CHD4: variants seen among roughly 807,000 people sequenced by gnomAD.
The protein encoded by CHD4 is ATP-dependent chromatin remodeler CHD4.
Under a neutral mutation model 235.5 loss-of-function variants are expected in CHD4, and 35 were observed. That is an observed-to-expected ratio of 0.15 (90% CI 0.11 to 0.20). The LOEUF (loss-of-function observed/expected upper bound fraction) is 0.20. CHD4 is among the 10% of genes least tolerant of loss of function. The pLI, the probability that CHD4 is intolerant of heterozygous loss-of-function variation, is 1.00. For synonymous variants in CHD4, 900 were observed against 850.2 expected (o/e 1.06, Z -1.02); for missense variants, 1,329 against 2,432.3 (o/e 0.55, Z 9.54).
chr12:6,583,427 C>G, intron 25 of CHD4, 49 bp from the exon 26 acceptor site: 1 of 1,512,210 alleles, frequency 6.6e-7, no homozygotes, highest in African/African-American at 1.4e-5. Flanking sequence ...GTCAGCACCA[C>G]CAGCTACCCC....
chr12:6,578,250 A>T, intron 35 of CHD4, 113 bp from the exon 36 acceptor site: 2 of 1,340,284 alleles, frequency 1.5e-6, no homozygotes, highest in Non-Finnish European at 2.1e-6. Flanking sequence ...TCCATTTCAT[A>T]TAATTTGCTT....
At chr12:6,586,403 A>G (rs1948295497) in intron 25 of CHD4, among the ~76,000 whole-genome samples, 1 of 151,804 alleles carries the variant, frequency 6.6e-6, no homozygotes, top group African/African-American at 2.4e-5. Flanking sequence ...TCCATCTCAA[A>G]ATAAATAAAT....
chr12:6,585,183 G>A (rs542891910), intron 25 of CHD4, among the ~76,000 whole-genome samples: 2 of 152,212 alleles, frequency 1.3e-5, no homozygotes, highest in Admixed American at 1.3e-4. Flanking sequence ...TATCATTTAG[G>A]AGAGAAAAAC....
chr12:6,606,794 G>A (rs1251249224), intron 1 of CHD4: 2 of 136,168 alleles, frequency 1.5e-5, no homozygotes, highest in African/African-American at 5.4e-5. Flanking sequence ...GGCGCTCGGG[G>A]ACACAAGGTC....
Position 6,600,352 on chromosome 12 carries a change from G to A in CHD4, c.1107C>T (p.His369=), listed in dbSNP as rs1948566996. The A allele has an allele frequency of 1.9e-6, 3 of 1,614,002 alleles. No individual in the cohort carries two copies. Among genetic ancestry groups the A allele is most frequent in the Non-Finnish European group, 1.7e-6 (2 of 1,180,034 alleles). The change falls in exon 9 of 40, where the codon CAC becomes CAT. Residue 369 remains histidine, a synonymous_variant. Coordinates refer to ENST00000544040, the MANE Select transcript of CHD4 (RefSeq NM_001273.5). Reference sequence around the variant, plus strand: ...GCTGGCACACCTCGCAATAGTCCTGGTGGTCTGTCTCATAACCATCCACAG... The same window carrying A: ...GCTGGCACACCTCGCAATAGTCCTGATGGTCTGTCTCATAACCATCCACAG... ...VTAVDGYETD[H]QDYCEVCQQG... is the part of the protein sequence containing the mutation.
chr12:6,596,671 G>T (rs539881781), intron 12 of CHD4, among the ~76,000 whole-genome samples: 1 of 151,918 alleles, frequency 6.6e-6, no homozygotes, highest in South Asian at 2.1e-4. Flanking sequence ...ATGGTGGCAG[G>T]TGCCTGTAAT....
chr12:6,597,332 A>G (rs1361029114), intron 12 of CHD4, among the ~76,000 whole-genome samples: 1 of 151,208 alleles, frequency 6.6e-6, no homozygotes, highest in African/African-American at 2.4e-5. Context: ...CAGGCGCAGT[A>G]GCTCACGCCT....
intron 2 of CHD4, 98 bp downstream of exon 2, chr12:6,606,176 G>C (rs945151880): frequency 3.6e-5 from 29 of 803,788 alleles, no homozygotes; most frequent in East Asian, 2.7e-4. Context: ...GCTCTGCACA[G>C]AGACAGCGGA....
In CHD4 at chr12:6,570,352, A is replaced by C. The variant is rs1947940901; in HGVS notation, c.*324T>G. On this transcript the variant is annotated 3_prime_UTR_variant, in exon 40 of 40. Coordinates refer to ENST00000544040, the MANE Select transcript of CHD4 (RefSeq NM_001273.5). ...TAAAACCAAAAGGAGGAAAAAATTCAGATCATTTTCTTCAAGCCTGGCAGG... is the reference window on the plus strand; with the variant it reads ...TAAAACCAAAAGGAGGAAAAAATTCCGATCATTTTCTTCAAGCCTGGCAGG... 2.7e-6 allele frequency: 1 copy of C among 365,844 alleles called. No homozygotes were observed. Among genetic ancestry groups the C allele is most frequent in the South Asian group, 7.2e-5 (1 of 13,910 alleles). 22.7% of individuals were successfully genotyped at this position (365,844 alleles called of 1,614,324 possible).
Position 6,596,401 on chromosome 12 carries a change from G to A in CHD4, c.1893-264C>T, listed in dbSNP as rs958820630. ...GCAGTGGCTCACGCCTGTAATCCCA[G>A]CACTTTGGGAAGCTGAGGCAGGCAG... On this transcript the variant is annotated intron_variant, in intron 12 of 39. Transcript: ENST00000544040. Among the ~76,000 whole-genome samples the A allele has an allele frequency of 2.0e-5, 3 of 152,010 alleles. No individual in the cohort carries two copies. In the East Asian group the frequency reaches 5.8e-4, roughly 29 times the overall value.
chr12:6,604,775 T>C (rs1176166236), intron 2 of CHD4, among the ~76,000 whole-genome samples: 1 of 151,798 alleles, frequency 6.6e-6, no homozygotes, highest in Non-Finnish European at 1.5e-5. Flanking sequence ...GTGTGGCAAG[T>C]GGAAAAAGTG....
chr12:6,583,112 A>T lies in CHD4; in HGVS notation c.4062T>A (p.Asp1354Glu). The T allele has an allele frequency of 7.3e-7, 1 of 1,363,566 alleles. No individual in the cohort carries two copies. Among genetic ancestry groups the T allele is most frequent in the East Asian group, 4.4e-5 (1 of 22,572 alleles). The allele number at this position is 1,363,566 out of a possible 1,614,324, so 84.5% of individuals were successfully genotyped here. A position where few individuals can be genotyped will look rare whatever the true frequency, so the allele number is the denominator to read the frequency against. ...GGTTGTCGGACTGGTCGTCCTGCCAATCTGGAGGGAGAGAGGGCAGATGAG... is the reference window on the plus strand; with the variant it reads ...GGTTGTCGGACTGGTCGTCCTGCCATTCTGGAGGGAGAGAGGGCAGATGAG... The part of the protein sequence containing the change: ...NYNDGSQEDR[D>E]WQDDQSDNQS... The change falls in exon 27 of 40, where the codon GAT becomes GAA. Residue 1354 changes from aspartate to glutamate, a missense_variant and splice_region_variant. Coordinates refer to ENST00000544040, the MANE Select transcript of CHD4 (RefSeq NM_001273.5).
At chr12:6,574,302 A>C (rs1948031738) in intron 37 of CHD4, among the ~76,000 whole-genome samples, 1 of 152,080 alleles carries the variant, frequency 6.6e-6, no homozygotes, top group Non-Finnish European at 1.5e-5. Context: ...CTGTTGTTTA[A>C]TGCCCCATGA....
chr12:6,570,561 T>A lies in CHD4; in HGVS notation c.*115A>T. ...GCACTGGGGCTGTTCCTTTACAACA[T>A]GGAAGATGGGCAGAAGGAAGGTGAG... On this transcript the variant is annotated 3_prime_UTR_variant, in exon 40 of 40. Transcript: ENST00000544040. 1 of 1,314,318 alleles carries A rather than the reference T, an allele frequency of 7.6e-7. No homozygotes were observed. Among genetic ancestry groups the A allele is most frequent in the Non-Finnish European group, 1.1e-6 (1 of 920,040 alleles). 81.4% of individuals were successfully genotyped at this position (1,314,318 alleles called of 1,614,324 possible). A position where few individuals can be genotyped will look rare whatever the true frequency, so the allele number is the denominator to read the frequency against.
chr12:6,579,401 A>G (rs530791212), intron 33 of CHD4: 13 of 177,370 alleles, frequency 7.3e-5, no homozygotes, highest in Non-Finnish European at 1.1e-4. Context: ...CCTGGCCAAC[A>G]TGGTGAAACC....
chr12:6,587,581 C>A, intron 24 of CHD4, 22 bp from the exon 25 acceptor site: 1 of 1,612,968 alleles, frequency 6.2e-7, no homozygotes, highest in Non-Finnish European at 8.5e-7. Context: ...CAAGGGCCCA[C>A]ATCCCCAAAG....
At chr12:6,603,574 G>T (rs1476359368) in intron 2 of CHD4, among the ~76,000 whole-genome samples, 1 of 151,244 alleles carries the variant, frequency 6.6e-6, no homozygotes, top group Non-Finnish European at 1.5e-5. Flanking sequence ...GGCGGGGGGG[G>T]AGACTGCCCT....
At position 6,601,381 on chromosome 12, in the gene CHD4, A is replaced by G; in HGVS notation, c.707T>C (p.Val236Ala). ...VAAAAAAAVA[V>A]VESMVTATEV... ...AGTGGCTGTCACCATGCTCTCCACCACAGCTACCGCTGCTGCTGCCGCAGC... is the reference window on the plus strand; with the variant it reads ...AGTGGCTGTCACCATGCTCTCCACCGCAGCTACCGCTGCTGCTGCCGCAGC... The change falls in exon 6 of 40, where the codon GTG becomes GCG. Residue 236 changes from valine (V) to alanine (A), a missense_variant. Around this residue, in one of 26 missense-constraint regions of CHD4, gnomAD observed 160 missense variants for 196.6 expected, o/e 0.81. Transcript: ENST00000544040. 6 of 1,614,162 alleles carry G rather than the reference A, an allele frequency of 3.7e-6. No homozygotes were observed. Among genetic ancestry groups the G allele is most frequent in the East Asian group, 2.2e-5 (1 of 44,874 alleles).
intron 14 of CHD4, among the ~76,000 whole-genome samples, chr12:6,595,086 C>G (rs923993465): frequency 2.0e-5 from 3 of 152,148 alleles, no homozygotes; most frequent in African/African-American, 4.8e-5. Flanking sequence ...GGCCCCTCCC[C>G]CCAGACAACA....
Sources: allele counts gnomAD v4.1 joint callset (sites outside exome capture counted in the v4.1 genomes callset), GRCh38; gene constraint gnomAD v4.1.1; regional missense constraint gnomAD v4.1.1; transcripts MANE v1.5; gene names NCBI Gene and HGNC (gene_info 2026-07-23, HGNC 2026-07-21).